The following CXCL17 variants were observed in gnomAD, a reference collection of about 807,000 sequenced individuals.
CXCL17 encodes the protein C-X-C motif chemokine 17.
A neutral mutation model predicts 15.5 loss-of-function variants in CXCL17; 9 were observed. The observed-to-expected ratio is 0.58, with a 90% confidence interval of 0.35 to 1.01. The LOEUF is 1.01. CXCL17 is among the 50% of genes least tolerant of loss of function. CXCL17 has a pLI of 0.02. For missense variants in CXCL17, 133 were observed against 138.2 expected (o/e 0.96, Z 0.19); for synonymous variants, 52 against 52.3 (o/e 0.99, Z 0.02).
At chr19:42,437,029 T>C (rs10423136) in intron 1 of CXCL17, among the ~76,000 whole-genome samples, 11,140 of 151,776 alleles carry the variant, frequency 0.073, 1,327 homozygotes, top group African/African-American at 0.25. Context: ...CCTCTGCCTC[T>C]CGGGTTCAAG....
intron 1 of CXCL17, among the ~76,000 whole-genome samples, chr19:42,438,672 T>C (rs2040862128): frequency 1.3e-5 from 2 of 151,862 alleles, no homozygotes; most frequent in South Asian, 4.2e-4. Context: ...TCTGTAAATA[T>C]CATTCTCCCA....
chr19:42,429,989 G>A (rs941573571), intron 3 of CXCL17, among the ~76,000 whole-genome samples: 5 of 151,996 alleles, frequency 3.3e-5, no homozygotes, highest in Admixed American at 1.3e-4. Flanking sequence ...GCAACATGGC[G>A]AAATCCTATC....
intron 1 of CXCL17, among the ~76,000 whole-genome samples, chr19:42,438,407 A>ATATATATATATATATAT (rs1568622705): frequency 9.9e-6 from 1 of 101,144 alleles, no homozygotes; most frequent in African/African-American, 5.1e-5. Flanking sequence ...TATATATATA[A>ATATATATATATATATAT]AATACACACA....
intron 1 of CXCL17, among the ~76,000 whole-genome samples, chr19:42,440,982 C>T (rs1199456042): frequency 6.6e-6 from 1 of 152,198 alleles, no homozygotes; most frequent in East Asian, 1.9e-4. Context: ...CTGAACATCT[C>T]ACAATACACA....
chr19:42,432,439 C>T (rs1172649308), intron 3 of CXCL17, among the ~76,000 whole-genome samples: 1 of 152,110 alleles, frequency 6.6e-6, no homozygotes, highest in African/African-American at 2.4e-5. Context: ...GCCACTGTGC[C>T]CGGCTGCCAA....
intron 3 of CXCL17, among the ~76,000 whole-genome samples, chr19:42,431,492 A>G (rs1378277547): frequency 2.0e-5 from 3 of 152,174 alleles, no homozygotes; most frequent in African/African-American, 4.8e-5. Context: ...AAAGGCTTTC[A>G]TACCTCAAGG....
intron 1 of CXCL17, among the ~76,000 whole-genome samples, chr19:42,438,560 T>C (rs2040861043): frequency 1.3e-5 from 2 of 151,482 alleles, no homozygotes; most frequent in African/African-American, 4.9e-5. Flanking sequence ...TGGGGACTAC[T>C]GTACATGAGT....
Position 42,442,895 on chromosome 19 carries a change from C to T in CXCL17, c.-63G>A, listed in dbSNP as rs2040909073. On this transcript the variant is annotated 5_prime_UTR_variant, in exon 1 of 4. Transcript: ENST00000601181. ...ATAATGGAAGGTTCCCTGCTGGAGGCTCCTGATCCCTGGGGATGACTCAGG... is the reference window on the plus strand; with the variant it reads ...ATAATGGAAGGTTCCCTGCTGGAGGTTCCTGATCCCTGGGGATGACTCAGG... 1.6e-6 allele frequency: 2 copies of T among 1,276,322 alleles called. No homozygotes were observed. Among genetic ancestry groups the T allele is most frequent in the Non-Finnish European group, 2.3e-6 (2 of 887,336 alleles). The allele number at this position is 1,276,322 out of a possible 1,614,324, so 79.1% of individuals were successfully genotyped here.
Position 42,432,956 on chromosome 19 carries a change from A to G in CXCL17, c.262+20T>C, listed in dbSNP as rs776774769. 1.3e-6 allele frequency: 2 copies of G among 1,588,982 alleles called. No homozygotes were observed. The highest frequency in any genetic ancestry group is 1.1e-5 in the South Asian group (1 of 90,512). On this transcript the variant is annotated intron_variant, in intron 3 of 3. Coordinates refer to ENST00000601181, the MANE Select transcript of CXCL17 (RefSeq NM_198477.3). ...ACGGAGTGACTCTGGTATAAGGAAA[A>G]TCATCCTTTGGAAACTTACTTGTTT...
chr19:42,433,871 C>T lies in CXCL17; in HGVS notation c.80-15G>A. On this transcript the variant is annotated splice_polypyrimidine_tract_variant and intron_variant, in intron 1 of 3. Coordinates refer to ENST00000601181, the MANE Select transcript of CXCL17 (RefSeq NM_198477.3). ...TCTGGCGACCCCTGTCGGAAGGAAA[C>T]AGGTCACATCCAGACACTGGAAAGG... 2 of 1,606,672 alleles carry T rather than the reference C, an allele frequency of 1.2e-6. No homozygotes were observed. Among genetic ancestry groups the T allele is most frequent in the South Asian group, 2.2e-5 (2 of 90,970 alleles).
intron 3 of CXCL17, among the ~76,000 whole-genome samples, chr19:42,432,408 G>A (rs2040792747): frequency 6.6e-6 from 1 of 152,084 alleles, no homozygotes; most frequent in Non-Finnish European, 1.5e-5. Flanking sequence ...GCCTCCCAAA[G>A]TACTGGGATT....
chr19:42,428,942 C>T lies in CXCL17; in HGVS notation c.302G>A (p.Arg101Lys). The T allele has an allele frequency of 2.5e-6, 4 of 1,614,098 alleles. No individual in the cohort carries two copies. The highest frequency in any genetic ancestry group is 3.4e-6 in the Non-Finnish European group (4 of 1,180,008). The change falls in exon 4 of 4, where the codon AGA becomes AAA. Residue 101 changes from arginine (R) to lysine (K), a missense_variant. Arg to Lys is a conservative substitution (Grantham distance 26). Coordinates refer to ENST00000601181, the MANE Select transcript of CXCL17 (RefSeq NM_198477.3). ...TTGTTTGAGAAATTGCTGGCAGGCTCTGGAATGCTTGTTTGGCTTTCTGTG... is the reference window on the plus strand; with the variant it reads ...TTGTTTGAGAAATTGCTGGCAGGCTTTGGAATGCTTGTTTGGCTTTCTGTG... Reference protein sequence around the residue: ...RHHRKPNKHSRACQQFLKQCQ... With the variant: ...RHHRKPNKHSKACQQFLKQCQ...
At chr19:42,433,171 C>G in intron 2 of CXCL17, 94 bp from the exon 3 acceptor site, 1 of 820,426 alleles carries the variant, frequency 1.2e-6, no homozygotes, top group Non-Finnish European at 2.0e-6. Context: ...CTGTGCCTTG[C>G]ATTTCCACTG....
rs557612380 is a variant in CXCL17, at chr19:42,433,018, G to A, written c.220C>T (p.Gln74Ter). 1 of 1,614,042 alleles carries A rather than the reference G, an allele frequency of 6.2e-7. No homozygotes were observed. Among genetic ancestry groups the A allele is most frequent in the East Asian group, 2.2e-5 (1 of 44,876 alleles). The change falls in exon 3 of 4, where the codon CAG becomes TAG. Residue 74 changes from glutamine to a stop codon, truncating the protein, a stop_gained. Transcript: ENST00000601181. LOFTEE classifies it high-confidence loss of function. Reference sequence around the variant, plus strand: ...CCCTTGAAATGATCACAGGGGCACTGCTTCTTTGGCAGCCCAGACACTGTC... The same window carrying A: ...CCCTTGAAATGATCACAGGGGCACTACTTCTTTGGCAGCCCAGACACTGTC... ...FMTVSGLPKK[Q>*]CPCDHFKGNV...
intron 1 of CXCL17, among the ~76,000 whole-genome samples, chr19:42,440,172 G>A (rs1427412940): frequency 6.6e-6 from 1 of 151,880 alleles, no homozygotes; most frequent in African/African-American, 2.4e-5. Context: ...TGATATAGGA[G>A]TTCTTAATGT....
chr19:42,434,867 A>AT (rs1419735212), intron 1 of CXCL17, among the ~76,000 whole-genome samples: 1 of 151,866 alleles, frequency 6.6e-6, no homozygotes, highest in Non-Finnish European at 1.5e-5. Context: ...TCTTATCTCC[A>AT]TTTTTTGATA....
At chr19:42,434,100 C>T (rs2040810544) in intron 1 of CXCL17, among the ~76,000 whole-genome samples, 1 of 152,136 alleles carries the variant, frequency 6.6e-6, no homozygotes. Context: ...TCCCAAAGTG[C>T]TAGGATTATA....
At chr19:42,440,495 G>T (rs1274795414) in intron 1 of CXCL17, among the ~76,000 whole-genome samples, 1 of 152,158 alleles carries the variant, frequency 6.6e-6, no homozygotes, top group Non-Finnish European at 1.5e-5. Flanking sequence ...CCCACTCGAC[G>T]TGGTTTGTGA....
intron 3 of CXCL17, among the ~76,000 whole-genome samples, chr19:42,432,675 A>G (rs1240093005): frequency 6.6e-6 from 1 of 152,180 alleles, no homozygotes; most frequent in Non-Finnish European, 1.5e-5. Flanking sequence ...TGATGCTGAC[A>G]CTGGTGTAAT....
Sources: gnomAD v4.1 joint callset for allele counts (sites outside exome capture counted in the v4.1 genomes callset) on GRCh38, gnomAD v4.1.1 for gene constraint, MANE v1.5 for transcripts, NCBI Gene and HGNC (gene_info 2026-07-23, HGNC 2026-07-21) for gene names.